The following IL23R variants were observed in gnomAD, a reference collection of about 807,000 sequenced individuals.
IL23R encodes interleukin 23 receptor, also known as interleukin-23 receptor.
In IL23R, 34 loss-of-function variants were observed where a neutral mutation model predicts 56.9. That is an observed-to-expected ratio of 0.60 (90% CI 0.45 to 0.80). The LOEUF (loss-of-function observed/expected upper bound fraction) is 0.80. Ranked by LOEUF, IL23R falls within the 30% of genes least tolerant of loss-of-function variation. The pLI, the probability that IL23R is intolerant of heterozygous loss-of-function variation, is 0.00. For synonymous variants in IL23R, 230 were observed against 249.2 expected (o/e 0.92, Z 0.73); for missense variants, 635 against 730.0 (o/e 0.87, Z 1.50).
intron 7 of IL23R, among the ~76,000 whole-genome samples, chr1:67,220,372 AAAAAAT>A (rs1180392350): frequency 1.3e-5 from 2 of 152,050 alleles, no homozygotes; most frequent in Non-Finnish European, 2.9e-5. Context: ...TGGTCTCAAA[AAAAAAT>A]AAAAATAAAA....
chr1:67,228,310 A>C (rs1438748295), intron 7 of IL23R, among the ~76,000 whole-genome samples: 2 of 149,302 alleles, frequency 1.3e-5, no homozygotes, highest in Non-Finnish European at 1.5e-5. Context: ...TGGCCTTTCA[A>C]GTACCTGGAA....
At chr1:67,240,063 C>G in intron 8 of IL23R, 116 bp from the exon 9 acceptor site, 10 of 779,236 alleles carry the variant, frequency 1.3e-5, no homozygotes, top group Non-Finnish European at 2.2e-5. Flanking sequence ...AATTTTGCTT[C>G]CCCCCACCCT....
intron 1 of IL23R, among the ~76,000 whole-genome samples, chr1:67,140,388 A>G (rs1008469073): frequency 6.6e-6 from 1 of 152,240 alleles, no homozygotes; most frequent in African/African-American, 2.4e-5. Flanking sequence ...AAACACCATA[A>G]TGAAAAAGAA....
In IL23R at chr1:67,239,800, G is replaced by A. The variant is rs371685447; in HGVS notation, c.1046-379G>A. Among the ~76,000 whole-genome samples, 24 of 152,242 alleles carry A rather than the reference G, an allele frequency of 1.6e-4. No homozygotes were observed. The East Asian group carries it at 1.7e-3, about 11-fold the overall frequency. ...ACAAAAAGTTAAAAAAAATCAGTAT[G>A]ATTGTAACCAGCTTTAGACATTGTT... On this transcript the variant is annotated intron_variant, in intron 8 of 10. Coordinates refer to ENST00000347310, the MANE Select transcript of IL23R (RefSeq NM_144701.3).
chr1:67,237,898 C>G (rs1651590016), intron 8 of IL23R, among the ~76,000 whole-genome samples: 1 of 152,194 alleles, frequency 6.6e-6, no homozygotes, highest in African/African-American at 2.4e-5. Flanking sequence ...TAAGCAACTC[C>G]TGTGTACGAG....
In IL23R at chr1:67,156,623, G is replaced by A. The variant is rs921992575; in HGVS notation, c.-633-11469G>A. ...TCCTTAGGGCTGTTAGGGGAAAACC[G>A]CTTTCTAAAGCCACAGTAATGGCAG... On this transcript the variant is annotated intron_variant, in intron 1 of 10. Coordinates refer to the IL23R transcript ENST00000637002. Among the ~76,000 whole-genome samples the A allele has an allele frequency of 9.8e-5, 15 of 152,286 alleles. No homozygotes were observed. In the South Asian group the frequency reaches 1.5e-3, roughly 15 times the overall value.
chr1:67,195,883 T>C (rs139085061), intron 4 of IL23R, among the ~76,000 whole-genome samples: 40 of 152,318 alleles, frequency 2.6e-4, no homozygotes, highest in African/African-American at 9.6e-4. Flanking sequence ...GGCTGGTTCC[T>C]TTTCTCTGCG....
chr1:67,213,828 T>C (rs184943877), intron 6 of IL23R, among the ~76,000 whole-genome samples: 24 of 152,320 alleles, frequency 1.6e-4, no homozygotes, highest in African/African-American at 5.8e-4. Flanking sequence ...AGTTATCTCT[T>C]GAAAGATGGT....
chr1:67,242,892 A>G lies in IL23R; in HGVS notation c.1148+2611A>G, dbSNP rs528391668. On this transcript the variant is annotated intron_variant, in intron 9 of 10. Transcript: ENST00000347310. The stretch of plus-strand genomic sequence containing the variant: ...AAGTGACAATTGAATGAAATCCCTT[A>G]TAAATATTTAAATGTCCAATCAGGT... Among the ~76,000 whole-genome samples the G allele has an allele frequency of 3.7e-4, 56 of 152,220 alleles. 1 individual carries two copies. The highest frequency in any genetic ancestry group is 1.6e-4 in the Non-Finnish European group (11 of 68,022).
At chr1:67,202,941 T>C (rs1648744399) in intron 5 of IL23R, among the ~76,000 whole-genome samples, 2 of 152,200 alleles carry the variant, frequency 1.3e-5, no homozygotes, top group African/African-American at 4.8e-5. Flanking sequence ...TTTTATTGTA[T>C]ATCCTTGGAG....
Position 67,200,787 on chromosome 1 carries a change from T to G in IL23R, c.542T>G (p.Ile181Ser). 6.2e-7 allele frequency: 1 copy of G among 1,614,000 alleles called. No individual in the cohort carries two copies. Among genetic ancestry groups the G allele is most frequent in the Admixed American group, 1.7e-5 (1 of 60,002 alleles). Reference protein sequence around the residue: ...QQYLTSSYINISTDSLQGGKK... With the variant: ...QQYLTSSYINSSTDSLQGGKK... ...TATCTCACCTCAAGCTATATTAACATCTCCACTGATTCATTACAAGGTGGC... is the reference window on the plus strand; with the variant it reads ...TATCTCACCTCAAGCTATATTAACAGCTCCACTGATTCATTACAAGGTGGC... The change falls in exon 5 of 11, where the codon ATC becomes AGC. Residue 181 changes from isoleucine (I) to serine (S), a missense_variant. By Grantham distance (142) the Ile-to-Ser change is moderately radical. Transcript: ENST00000347310.
At chr1:67,149,363 T>C (rs968114112) in intron 1 of IL23R, among the ~76,000 whole-genome samples, 3 of 152,174 alleles carry the variant, frequency 2.0e-5, no homozygotes, top group Non-Finnish European at 4.4e-5. Flanking sequence ...GAGTGACACC[T>C]AGGGGCTTTT....
intron 4 of IL23R, among the ~76,000 whole-genome samples, chr1:67,199,912 T>A (rs1004635046): frequency 2.0e-5 from 3 of 152,236 alleles, no homozygotes; most frequent in African/African-American, 7.2e-5. Flanking sequence ...CAGTGGCTCA[T>A]GCCTGTAATC....
At chr1:67,203,482 C>T (rs1178097795) in intron 5 of IL23R, among the ~76,000 whole-genome samples, 1 of 152,018 alleles carries the variant, frequency 6.6e-6, no homozygotes, top group Non-Finnish European at 1.5e-5. Flanking sequence ...CTTTCTCTTT[C>T]CCTCCTCCTC....
intron 1 of IL23R, among the ~76,000 whole-genome samples, chr1:67,152,154 G>A (rs1570757872): frequency 6.6e-6 from 1 of 152,132 alleles, no homozygotes; most frequent in African/African-American, 2.4e-5. Context: ...GTGGTTTGCA[G>A]TTCTCCTTGA....
At chr1:67,234,366 C>G (rs1039419859) in intron 7 of IL23R, among the ~76,000 whole-genome samples, 1 of 152,050 alleles carries the variant, frequency 6.6e-6, no homozygotes, top group African/African-American at 2.4e-5. Flanking sequence ...TTTAATGCAC[C>G]TGTTTGATTT....
At chr1:67,194,649 A>G (rs559934887) in intron 4 of IL23R, among the ~76,000 whole-genome samples, 1 of 152,324 alleles carries the variant, frequency 6.6e-6, no homozygotes, top group East Asian at 1.9e-4. Context: ...TTGAAAATAC[A>G]TTTCCATTTT....
intron 6 of IL23R, among the ~76,000 whole-genome samples, chr1:67,208,453 G>T (rs1649232809): frequency 6.6e-6 from 1 of 152,236 alleles, no homozygotes; most frequent in South Asian, 2.1e-4. Context: ...TGGGACCAGG[G>T]TCACTGTGCT....
chr1:67,192,021 A>C (rs1558236447), intron 4 of IL23R, among the ~76,000 whole-genome samples: 1 of 152,226 alleles, frequency 6.6e-6, no homozygotes, highest in South Asian at 2.1e-4. Flanking sequence ...TTTACTTGAG[A>C]ATATAAATAA....
Sources: allele counts gnomAD v4.1 joint callset (sites outside exome capture counted in the v4.1 genomes callset), GRCh38; gene constraint gnomAD v4.1.1; transcripts MANE v1.5; gene names NCBI Gene and HGNC (gene_info 2026-07-23, HGNC 2026-07-21).